GAS7: variants seen among roughly 807,000 people sequenced by gnomAD.
The protein encoded by GAS7 is growth arrest specific 7.
In GAS7, 28 loss-of-function variants were observed where a neutral mutation model predicts 71.1. The ratio of observed to expected loss-of-function variants is 0.39; its 90% CI spans 0.29 to 0.54. GAS7 has a LOEUF of 0.54. Among genes scored for constraint, GAS7 ranks in the 20% least tolerant of loss-of-function variants. The probability of loss-of-function intolerance (pLI) is 0.62; values close to 1 mark genes in which losing one functional copy is unlikely to be tolerated. For missense variants in GAS7, 436 were observed against 627.8 expected (o/e 0.69, Z 3.27); for synonymous variants, 258 against 245.8 (o/e 1.05, Z -0.46).
chr17:9,933,216 T>C (rs1271150230), intron 9 of GAS7, among the ~76,000 whole-genome samples: 1 of 152,058 alleles, frequency 6.6e-6, no homozygotes, highest in Non-Finnish European at 1.5e-5. Flanking sequence ...AATGAATAAA[T>C]AAATAAAGAA....
At chr17:9,929,910 C>G (rs1290751090) in intron 9 of GAS7, among the ~76,000 whole-genome samples, 1 of 152,184 alleles carries the variant, frequency 6.6e-6, no homozygotes, top group Non-Finnish European at 1.5e-5. Flanking sequence ...AGTGTCCTCA[C>G]AGACTCAGGC....
At chr17:9,942,850 C>T (rs2068652752) in intron 7 of GAS7, among the ~76,000 whole-genome samples, 1 of 152,248 alleles carries the variant, frequency 6.6e-6, no homozygotes, top group Non-Finnish European at 1.5e-5. Flanking sequence ...AATGCTTCTG[C>T]TCTTTCAAGG....
rs2067738985 is a variant in GAS7, at chr17:9,919,969, T to TGTGTGTGTG, written c.1139-265_1139-264insCACACACAC. Among the ~76,000 whole-genome samples, 3 of 131,398 alleles carry TGTGTGTGTG rather than the reference T, an allele frequency of 2.3e-5. No homozygotes were observed. Among genetic ancestry groups the TGTGTGTGTG allele is most frequent in the African/African-American group, 8.8e-5 (3 of 34,244 alleles). The allele number at this position is 131,398 out of a possible 152,430, so 86.2% of individuals were successfully genotyped here. ...AGGATTCAGGATGGTGGTTCTCATT[T>TGTGTGTGTG]TGTGTGTGTGTGTGTGTGTGTGTGT... On this transcript the variant is annotated intron_variant, in intron 11 of 13. Transcript: ENST00000432992. The surrounding 1 kb of genome is among the most constrained non-coding windows in gnomAD (Gnocchi z 5.0).
intron 1 of GAS7, among the ~76,000 whole-genome samples, chr17:10,141,178 G>A (rs1383155295): frequency 2.6e-5 from 4 of 152,206 alleles, no homozygotes; most frequent in South Asian, 2.1e-4. Context: ...GGCCGGGCGC[G>A]GTGGCTCACG....
chr17:9,963,666 T>C (rs776615732), intron 4 of GAS7, among the ~76,000 whole-genome samples: 1 of 152,066 alleles, frequency 6.6e-6, no homozygotes, highest in Non-Finnish European at 1.5e-5. Flanking sequence ...CCAGGAGTTC[T>C]AGAATTCACG....
chr17:9,948,821 G>A (rs2068890699), intron 5 of GAS7, among the ~76,000 whole-genome samples: 1 of 152,212 alleles, frequency 6.6e-6, no homozygotes, highest in South Asian at 2.1e-4. Context: ...CCATTGTGTG[G>A]AGGTGGCTTC....
At chr17:10,173,592 C>A (rs1567620055) in intron 1 of GAS7, among the ~76,000 whole-genome samples, 1 of 151,986 alleles carries the variant, frequency 6.6e-6, no homozygotes, top group Non-Finnish European at 1.5e-5. Context: ...CACGGTGAAA[C>A]CCCGTCTCTA....
chr17:9,982,232 C>T (rs556775948), intron 2 of GAS7, among the ~76,000 whole-genome samples: 1 of 152,136 alleles, frequency 6.6e-6, no homozygotes, highest in African/African-American at 2.4e-5. Flanking sequence ...TACTTTGTCT[C>T]GGGGCTCTGG....
Position 9,974,450 on chromosome 17 carries a change from G to T in GAS7, c.386-4688C>A, listed in dbSNP as rs1299855046. Among the ~76,000 whole-genome samples the T allele has an allele frequency of 6.7e-6, 1 of 149,064 alleles. No homozygotes were observed. Among genetic ancestry groups the T allele is most frequent in the East Asian group, 1.9e-4 (1 of 5,176 alleles). ...CTTCTGGGGCCTCCAGCCTCTGGGG[G>T]AAGAAAAATGAAATTGGTCAAGGAT... On this transcript the variant is annotated intron_variant, in intron 3 of 13. Coordinates refer to ENST00000432992, the MANE Select transcript of GAS7 (RefSeq NM_201433.2). This position sits in a 1 kb window ranked among gnomAD's most constrained non-coding sequence, Gnocchi z 4.0.
At chr17:10,095,198 T>C (rs1389293579) in intron 1 of GAS7, among the ~76,000 whole-genome samples, 2 of 151,998 alleles carry the variant, frequency 1.3e-5, no homozygotes, top group East Asian at 3.9e-4. Flanking sequence ...CATAGGAAGG[T>C]ATATTGGTAT....
chr17:9,964,760 C>T (rs2069638349), intron 4 of GAS7, among the ~76,000 whole-genome samples: 1 of 152,232 alleles, frequency 6.6e-6, no homozygotes, highest in South Asian at 2.1e-4. Flanking sequence ...TTCTCCCACA[C>T]CAGCCATAAA....
chr17:10,161,081 C>T (rs750936114), intron 1 of GAS7, among the ~76,000 whole-genome samples: 6 of 152,146 alleles, frequency 3.9e-5, no homozygotes, highest in Non-Finnish European at 8.8e-5. Context: ...AGGGTCGCGG[C>T]TCCGTTTTGT....
intron 2 of GAS7, among the ~76,000 whole-genome samples, chr17:10,005,128 AGCATGTGTGCGCGCACGCATGCAT>A (rs1444357526): frequency 1.9e-3 from 206 of 106,436 alleles, no homozygotes; most frequent in Middle Eastern, 5.0e-3. Context: ...CACGCATACC[AGCATGTGTGCGCGCACGCATGCAT>A]GCATGTGTGT....
intron 1 of GAS7, among the ~76,000 whole-genome samples, chr17:10,023,531 A>C (rs903478199): frequency 5.8e-4 from 88 of 152,360 alleles, no homozygotes; most frequent in African/African-American, 1.9e-3. Context: ...GCCGTGATAC[A>C]TGCTACAACA....
At chr17:10,089,996 T>C (rs1428600618) in intron 1 of GAS7, among the ~76,000 whole-genome samples, 1 of 152,186 alleles carries the variant, frequency 6.6e-6, no homozygotes, top group South Asian at 2.1e-4. Flanking sequence ...GGTGAAACCC[T>C]GCCTCTACTA....
chr17:10,024,002 T>A (rs1228528922), intron 1 of GAS7, among the ~76,000 whole-genome samples: 1 of 152,136 alleles, frequency 6.6e-6, no homozygotes, highest in East Asian at 1.9e-4. Flanking sequence ...CAGGTGCCTG[T>A]AATCCCAGCT....
chr17:10,181,802 G>T (rs926531344), intron 1 of GAS7, among the ~76,000 whole-genome samples: 2 of 152,136 alleles, frequency 1.3e-5, no homozygotes, highest in Non-Finnish European at 2.9e-5. Context: ...CAAAGACCCC[G>T]TTGATCAAAC....
chr17:10,034,600 C>T lies in GAS7; in HGVS notation c.184-14703G>A, dbSNP rs913286187. Among the ~76,000 whole-genome samples, 33 of 152,162 alleles carry T rather than the reference C, an allele frequency of 2.2e-4. No individual in the cohort carries two copies. Among genetic ancestry groups the T allele is most frequent in the African/African-American group, 6.0e-4 (25 of 41,444 alleles). ...CTGGGATTACAGGCGTGAGCCACTG[C>T]GCCCGGCCCAATAATTCTAAATGTC... On this transcript the variant is annotated intron_variant, in intron 1 of 13. Transcript: ENST00000432992. The surrounding 1 kb of genome is among the most constrained non-coding windows in gnomAD (Gnocchi z 4.4).
intron 1 of GAS7, among the ~76,000 whole-genome samples, chr17:10,053,704 ACTC>A (rs775086695): frequency 6.6e-6 from 1 of 151,794 alleles, no homozygotes; most frequent in Non-Finnish European, 1.5e-5. Flanking sequence ...ATCTGGAAGA[ACTC>A]CTCCAGCCCT....
Sources: gnomAD v4.1 joint callset for allele counts (sites outside exome capture counted in the v4.1 genomes callset) on GRCh38, gnomAD v4.1.1 for gene constraint, Gnocchi (gnomAD v3.1) non-coding constraint, MANE v1.5 for transcripts, NCBI Gene and HGNC (gene_info 2026-07-23, HGNC 2026-07-21) for gene names.